Variants in MACROD2 observed in about 807,000 individuals in gnomAD.
MACROD2 encodes mono-ADP ribosylhydrolase 2, also known as ADP-ribose glycohydrolase MACROD2.
In MACROD2, 36 loss-of-function variants were observed where a neutral mutation model predicts 70.4. The ratio of observed to expected loss-of-function variants is 0.51; its 90% CI spans 0.39 to 0.68. The LOEUF is 0.68. MACROD2 is among the 30% of genes least tolerant of loss of function. MACROD2 has a pLI of 0.00. For synonymous variants in MACROD2, 172 were observed against 178.8 expected, an observed-to-expected ratio of 0.96 and a Z score of 0.30; for missense variants, 496 against 538.4, an observed-to-expected ratio of 0.92 and a Z score of 0.78.
intron 3 of MACROD2, among the ~76,000 whole-genome samples, chr20:14,118,922 T>G (rs1048186078): frequency 2.0e-5 from 3 of 150,502 alleles, no homozygotes; most frequent in Non-Finnish European, 4.4e-5. Context: ...CTCAGCTCAC[T>G]GCCACCTCTG....
intron 15 of MACROD2, among the ~76,000 whole-genome samples, chr20:16,019,234 A>G (rs2066969083): frequency 6.6e-6 from 1 of 152,250 alleles, no homozygotes; most frequent in Admixed American, 6.5e-5. Flanking sequence ...CTTAGAATAA[A>G]AGGTATAAAA....
chr20:15,900,968 G>T (rs948730139), intron 10 of MACROD2, among the ~76,000 whole-genome samples: 1 of 152,178 alleles, frequency 6.6e-6, no homozygotes, highest in Non-Finnish European at 1.5e-5. Flanking sequence ...AGAAGAGCTG[G>T]TCAGTGAGTA....
At chr20:14,812,455 G>T (rs904116166) in intron 5 of MACROD2, among the ~76,000 whole-genome samples, 2 of 151,736 alleles carry the variant, frequency 1.3e-5, no homozygotes, top group Non-Finnish European at 2.9e-5. Flanking sequence ...AGCATTAGGA[G>T]AAATACCTAA....
At chr20:15,391,994 TTTG>T (rs796153893) in intron 6 of MACROD2, among the ~76,000 whole-genome samples, 4 of 152,320 alleles carry the variant, frequency 2.6e-5, no homozygotes, top group East Asian at 1.9e-4. Flanking sequence ...TCAAGGGTGC[TTTG>T]TTGTTGTTGT....
chr20:15,265,558 A>G (rs1402102768), intron 6 of MACROD2, among the ~76,000 whole-genome samples: 4 of 152,208 alleles, frequency 2.6e-5, no homozygotes, highest in African/African-American at 7.2e-5. Flanking sequence ...AGCTGCTTGC[A>G]GAAATAAAAT....
chr20:14,629,508 G>A (rs979337418), intron 4 of MACROD2, among the ~76,000 whole-genome samples: 2 of 152,110 alleles, frequency 1.3e-5, no homozygotes, highest in Non-Finnish European at 2.9e-5. Context: ...TACTTATTTG[G>A]GAGGATGTTA....
At chr20:14,559,471 C>G (rs1234999570) in intron 4 of MACROD2, among the ~76,000 whole-genome samples, 1 of 151,640 alleles carries the variant, frequency 6.6e-6, no homozygotes, top group Non-Finnish European at 1.5e-5. Flanking sequence ...GACCTACTAA[C>G]TTTATAGCTC....
chr20:16,014,061 T>G (rs1033689320), intron 15 of MACROD2, among the ~76,000 whole-genome samples: 1 of 152,226 alleles, frequency 6.6e-6, no homozygotes, highest in African/African-American at 2.4e-5. Flanking sequence ...CATCCAGCCT[T>G]AACACTTTGC....
chr20:14,309,379 A>G (rs2082546938), intron 3 of MACROD2, among the ~76,000 whole-genome samples: 3 of 152,140 alleles, frequency 2.0e-5, no homozygotes, highest in Admixed American at 2.0e-4. Context: ...CAGAAAAGTA[A>G]AAAGAAAAAA....
chr20:14,983,401 G>C (rs943036306), intron 5 of MACROD2, among the ~76,000 whole-genome samples: 15 of 151,818 alleles, frequency 9.9e-5, no homozygotes, highest in African/African-American at 3.6e-4. Context: ...ATTGGGAAGG[G>C]CCAGGGGCAG....
intron 8 of MACROD2, among the ~76,000 whole-genome samples, chr20:15,770,566 GAGAA>G (rs1345855863): frequency 6.6e-6 from 1 of 152,076 alleles, no homozygotes; most frequent in Non-Finnish European, 1.5e-5. Flanking sequence ...CACAAACAGC[GAGAA>G]AGAGAGACAG....
chr20:15,600,602 A>G (rs1158322136), intron 8 of MACROD2, among the ~76,000 whole-genome samples: 1 of 152,230 alleles, frequency 6.6e-6, no homozygotes, highest in Admixed American at 6.5e-5. Context: ...GTGATGTCCA[A>G]TATACTGAAT....
intron 5 of MACROD2, among the ~76,000 whole-genome samples, chr20:15,005,508 C>T (rs796557099): frequency 6.6e-6 from 1 of 152,284 alleles, no homozygotes; most frequent in African/African-American, 2.4e-5. Flanking sequence ...TCACATACCA[C>T]GCATTTTAAT....
chr20:14,769,278 C>A (rs554944230), intron 5 of MACROD2, among the ~76,000 whole-genome samples: 1 of 152,138 alleles, frequency 6.6e-6, no homozygotes, highest in South Asian at 2.1e-4. Flanking sequence ...AGAGGTATTT[C>A]TTCTGGAATA....
chr20:14,185,301 G>A (rs941060652), intron 3 of MACROD2, among the ~76,000 whole-genome samples: 7 of 152,086 alleles, frequency 4.6e-5, no homozygotes, highest in African/African-American at 1.2e-4. Context: ...ATGTTCTGAC[G>A]CACTCTCAGA....
intron 8 of MACROD2, among the ~76,000 whole-genome samples, chr20:15,837,300 T>A (rs536934603): frequency 1.3e-5 from 2 of 152,312 alleles, no homozygotes; most frequent in East Asian, 3.9e-4. Context: ...TCGGATCTTT[T>A]AAAAGAGAGA....
rs570849922 is a variant in MACROD2, at chr20:14,602,859, T to C, written c.302-81984T>C. Among the ~76,000 whole-genome samples, 5 of 152,328 alleles carry C rather than the reference T, an allele frequency of 3.3e-5. No homozygotes were observed. In the East Asian group the frequency reaches 9.7e-4, roughly 29 times the overall value. ...AGGGCCTGTCAAAATAGCCAAGGCC[T>C]TTGATGTCTGCATGTATGGATTCCA... On this transcript the variant is annotated intron_variant, in intron 4 of 17. Coordinates refer to ENST00000684519, the MANE Select transcript of MACROD2 (RefSeq NM_001351661.2).
At chr20:15,517,540 T>C (rs11700285) in intron 8 of MACROD2, among the ~76,000 whole-genome samples, 2,502 of 152,340 alleles carry the variant, frequency 0.016, 36 homozygotes, top group Non-Finnish European at 0.026. Context: ...TGTTCTCTTT[T>C]ATATTCCCAG....
intron 6 of MACROD2, among the ~76,000 whole-genome samples, chr20:15,411,981 C>T (rs2046084963): frequency 6.6e-6 from 1 of 152,118 alleles, no homozygotes; most frequent in East Asian, 1.9e-4. Context: ...TCTTGACACA[C>T]CTGTGGCTGC....
Sources: allele counts gnomAD v4.1 joint callset (sites outside exome capture counted in the v4.1 genomes callset), GRCh38; gene constraint gnomAD v4.1.1; transcripts MANE v1.5; gene names NCBI Gene and HGNC (gene_info 2026-07-23, HGNC 2026-07-21).